ATRNL1: variants seen among roughly 807,000 people sequenced by gnomAD.
The protein encoded by ATRNL1 is attractin like 1, also known as attractin-like protein 1.
In ATRNL1, 95 loss-of-function variants were observed where a neutral mutation model predicts 182.7. The ratio of observed to expected loss-of-function variants is 0.52; its 90% CI spans 0.44 to 0.62. The LOEUF (loss-of-function observed/expected upper bound fraction) is 0.62, where lower values mean the gene tolerates loss of function less well. Ranked by LOEUF, ATRNL1 falls within the 20% of genes least tolerant of loss-of-function variation. ATRNL1 has a pLI of 0.00. For missense variants in ATRNL1, 1,471 were observed against 1,679.5 expected, an observed-to-expected ratio of 0.88 and a Z score of 2.17; for synonymous variants, 576 against 568.3, an observed-to-expected ratio of 1.01 and a Z score of -0.19.
chr10:115,542,992 C>A (rs1554992479), intron 25 of ATRNL1, among the ~76,000 whole-genome samples: 1 of 152,070 alleles, frequency 6.6e-6, no homozygotes, highest in African/African-American at 2.4e-5. Context: ...CTAATTATGT[C>A]CTAAAGGCCC....
intron 27 of ATRNL1, among the ~76,000 whole-genome samples, chr10:115,823,810 C>T (rs1467579744): frequency 6.6e-6 from 1 of 152,184 alleles, no homozygotes; most frequent in Non-Finnish European, 1.5e-5. Flanking sequence ...ATTCCATGCT[C>T]ATGGATAGGA....
intron 26 of ATRNL1, among the ~76,000 whole-genome samples, chr10:115,638,946 A>G (rs1437894262): frequency 1.3e-5 from 2 of 152,176 alleles, no homozygotes; most frequent in Non-Finnish European, 2.9e-5. Flanking sequence ...CATCTGAGTC[A>G]CAGGAGTGGA....
chr10:115,737,715 A>T (rs1276022989), intron 27 of ATRNL1, among the ~76,000 whole-genome samples: 2 of 152,188 alleles, frequency 1.3e-5, no homozygotes, highest in African/African-American at 2.4e-5. Flanking sequence ...CATTTCCTAC[A>T]GACCTTTTGG....
chr10:115,895,801 G>T (rs181981118), intron 28 of ATRNL1, among the ~76,000 whole-genome samples: 85 of 152,344 alleles, frequency 5.6e-4, no homozygotes, highest in African/African-American at 1.8e-3. Context: ...TGCAGAAGAG[G>T]AATCAGGGAG....
At chr10:115,447,307 T>A (rs1847049079) in intron 21 of ATRNL1, among the ~76,000 whole-genome samples, 1 of 151,788 alleles carries the variant, frequency 6.6e-6, no homozygotes. Flanking sequence ...AAAGTAAACA[T>A]CACAGATAGA....
intron 8 of ATRNL1, among the ~76,000 whole-genome samples, chr10:115,198,084 G>T (rs913431648): frequency 1.3e-4 from 20 of 152,190 alleles, no homozygotes; most frequent in Admixed American, 5.2e-4. Context: ...TAATTTTTAG[G>T]AGGCTTCATA....
chr10:115,915,616 G>T (rs1198942134), intron 28 of ATRNL1, among the ~76,000 whole-genome samples: 2 of 152,138 alleles, frequency 1.3e-5, no homozygotes, highest in African/African-American at 2.4e-5. Flanking sequence ...ATATCCATAT[G>T]TGCTTAGCTG....
At chr10:115,656,108 A>G (rs1860313559) in intron 26 of ATRNL1, among the ~76,000 whole-genome samples, 1 of 152,224 alleles carries the variant, frequency 6.6e-6, no homozygotes, top group Middle Eastern at 3.4e-3. Flanking sequence ...TTGATCTCCA[A>G]CAGTATTATT....
At chr10:115,571,704 A>T (rs1482835408) in intron 26 of ATRNL1, among the ~76,000 whole-genome samples, 1 of 152,154 alleles carries the variant, frequency 6.6e-6, no homozygotes, top group African/African-American at 2.4e-5. Flanking sequence ...TTATTGTTAG[A>T]GTTAAAATTA....
At chr10:115,507,680 A>C (rs1190705554) in intron 24 of ATRNL1, among the ~76,000 whole-genome samples, 1 of 152,106 alleles carries the variant, frequency 6.6e-6, no homozygotes, top group Non-Finnish European at 1.5e-5. Context: ...TAATGTACGA[A>C]AAGTAATTAG....
At chr10:115,637,262 A>C (rs1394344082) in intron 26 of ATRNL1, among the ~76,000 whole-genome samples, 3 of 152,196 alleles carry the variant, frequency 2.0e-5, no homozygotes, top group Non-Finnish European at 4.4e-5. Flanking sequence ...AGAAAAAGGC[A>C]TGCTTGTCTA....
At chr10:115,538,298 T>G (rs1554991056) in intron 25 of ATRNL1, among the ~76,000 whole-genome samples, 1 of 152,214 alleles carries the variant, frequency 6.6e-6, no homozygotes, top group Admixed American at 6.5e-5. Context: ...GACTGTACAA[T>G]TCTGTGCTGC....
At chr10:115,176,572 T>G (rs2144126888) in intron 8 of ATRNL1, among the ~76,000 whole-genome samples, 1 of 152,064 alleles carries the variant, frequency 6.6e-6, no homozygotes, top group Middle Eastern at 3.4e-3. Context: ...ATGTAGAGTG[T>G]GAGATAAAAG....
chr10:115,825,584 A>G (rs190049187), intron 27 of ATRNL1, among the ~76,000 whole-genome samples: 131 of 152,082 alleles, frequency 8.6e-4, no homozygotes, highest in Middle Eastern at 3.4e-3. Context: ...TCCTTTGCCT[A>G]CAAATGGCAC....
At chr10:115,250,852 A>G (rs1042824505) in intron 10 of ATRNL1, among the ~76,000 whole-genome samples, 5 of 152,222 alleles carry the variant, frequency 3.3e-5, no homozygotes, top group African/African-American at 9.6e-5. Context: ...CCCAATTAGC[A>G]TAATGTTGTT....
intron 28 of ATRNL1, among the ~76,000 whole-genome samples, chr10:115,881,168 T>G (rs782206695): frequency 1.3e-5 from 2 of 152,236 alleles, no homozygotes; most frequent in Non-Finnish European, 2.9e-5. Context: ...AGCCTATCTC[T>G]GGGTATTTCC....
chr10:115,795,980 A>C (rs537689843), intron 27 of ATRNL1, among the ~76,000 whole-genome samples: 23 of 152,150 alleles, frequency 1.5e-4, no homozygotes, highest in African/African-American at 5.1e-4. Context: ...CCTTGTGCTG[A>C]GTGCCAGATC....
intron 19 of ATRNL1, among the ~76,000 whole-genome samples, chr10:115,343,600 A>G (rs1554938973): frequency 6.6e-6 from 1 of 152,162 alleles, no homozygotes; most frequent in Non-Finnish European, 1.5e-5. Context: ...GAAAGGTCAC[A>G]TATCTCTGTT....
At chr10:115,413,128 G>T (rs2134346430) in intron 20 of ATRNL1, among the ~76,000 whole-genome samples, 1 of 152,222 alleles carries the variant, frequency 6.6e-6, no homozygotes, top group East Asian at 1.9e-4. Context: ...TCATTGGTTT[G>T]CATAGCATTG....
Sources: gnomAD v4.1 joint callset for allele counts (sites outside exome capture counted in the v4.1 genomes callset) on GRCh38, gnomAD v4.1.1 for gene constraint, MANE v1.5 for transcripts, NCBI Gene and HGNC (gene_info 2026-07-23, HGNC 2026-07-21) for gene names.